MSRB3: variants seen among roughly 807,000 people sequenced by gnomAD.
MSRB3 encodes the protein methionine-R-sulfoxide reductase B3.
MSRB3 carries 13 observed loss-of-function variants against 21.0 expected under a neutral mutation model. The ratio of observed to expected loss-of-function variants is 0.62; its 90% CI spans 0.40 to 0.98. The LOEUF (loss-of-function observed/expected upper bound fraction) is 0.98, where lower values mean the gene tolerates loss of function less well. Among genes scored for constraint, MSRB3 ranks in the 50% least tolerant of loss-of-function variants. The pLI, the probability that MSRB3 is intolerant of heterozygous loss-of-function variation, is 0.00. For missense variants in MSRB3, 199 were observed against 230.3 expected (o/e 0.86, Z 0.88); for synonymous variants, 87 against 88.6 (o/e 0.98, Z 0.10).
chr12:65,376,340 C>CT (rs1878621629), intron 5 of MSRB3, among the ~76,000 whole-genome samples: 1 of 152,060 alleles, frequency 6.6e-6, no homozygotes, highest in Non-Finnish European at 1.5e-5. Flanking sequence ...AGGATGGCCT[C>CT]TATCTCCTGA....
chr12:65,308,929 C>T, intron 2 of MSRB3: 1 of 498,318 alleles, frequency 2.0e-6, no homozygotes, highest in South Asian at 2.3e-5. Context: ...GCACACTACA[C>T]ATCTGCAAAT....
chr12:65,323,346 TA>T (rs1222142095), intron 2 of MSRB3, among the ~76,000 whole-genome samples: 2 of 152,188 alleles, frequency 1.3e-5, no homozygotes, highest in Non-Finnish European at 2.9e-5. Context: ...CATATTTCAA[TA>T]AATAAAATAT....
At chr12:65,420,692 T>C in intron 5 of MSRB3, among the ~76,000 whole-genome samples, 1 of 152,096 alleles carries the variant, frequency 6.6e-6, no homozygotes, top group East Asian at 1.9e-4. Context: ...TGTGTTCTCA[T>C]CATTTAGCTC....
chr12:65,413,209 T>G (rs1243877050), intron 5 of MSRB3, among the ~76,000 whole-genome samples: 2 of 152,200 alleles, frequency 1.3e-5, no homozygotes, highest in African/African-American at 4.8e-5. Context: ...TGAACCCATC[T>G]CCTGACTGAG....
chr12:65,394,773 C>T (rs1280815225), intron 5 of MSRB3, among the ~76,000 whole-genome samples: 1 of 152,138 alleles, frequency 6.6e-6, no homozygotes, highest in Admixed American at 6.5e-5. Flanking sequence ...GTTGGTTTGA[C>T]ATTGAACAGT....
chr12:65,291,699 T>C (rs1872674252), intron 1 of MSRB3, among the ~76,000 whole-genome samples: 2 of 152,144 alleles, frequency 1.3e-5, no homozygotes, highest in Admixed American at 6.5e-5. Flanking sequence ...CGTTCTCAGT[T>C]TGGAACCAGC....
intron 5 of MSRB3, among the ~76,000 whole-genome samples, chr12:65,415,846 A>G (rs949571067): frequency 6.6e-6 from 1 of 152,124 alleles, no homozygotes; most frequent in Non-Finnish European, 1.5e-5. Context: ...TAAAAGACTG[A>G]TGGATTTAAC....
At chr12:65,373,214 G>C (rs1878419209) in intron 5 of MSRB3, among the ~76,000 whole-genome samples, 1 of 152,106 alleles carries the variant, frequency 6.6e-6, no homozygotes, top group South Asian at 2.1e-4. Context: ...ACTGAAAAAA[G>C]ATGTTTTTCT....
At chr12:65,327,901 T>A (rs1340433386) in intron 3 of MSRB3, among the ~76,000 whole-genome samples, 1 of 152,230 alleles carries the variant, frequency 6.6e-6, no homozygotes, top group Non-Finnish European at 1.5e-5. Flanking sequence ...AATGATTTAA[T>A]GCACACAAAC....
intron 5 of MSRB3, among the ~76,000 whole-genome samples, chr12:65,399,364 A>T (rs528005439): frequency 2.6e-5 from 4 of 151,880 alleles, no homozygotes; most frequent in African/African-American, 7.3e-5. Flanking sequence ...TTCTCTTTGT[A>T]CCTATTGTGA....
At position 65,463,473 on chromosome 12, in the gene MSRB3, C is replaced by T; in HGVS notation, c.*151C>T. On this transcript the variant is annotated 3_prime_UTR_variant, in exon 7 of 7. Transcript: ENST00000308259. ...TTCTTCTTTTGCTTAAACAGAAGCC[C>T]TGGCCATCCATGTATTTTGCAATTG... 2.2e-6 allele frequency: 2 copies of T among 918,128 alleles called. No homozygotes were observed. The highest frequency in any genetic ancestry group is 2.6e-5 in the Admixed American group (1 of 38,156). The allele number at this position is 918,128 out of a possible 1,614,324, so 56.9% of individuals were successfully genotyped here.
At chr12:65,423,274 A>G (rs762404010) in intron 5 of MSRB3, among the ~76,000 whole-genome samples, 1 of 152,072 alleles carries the variant, frequency 6.6e-6, no homozygotes, top group African/African-American at 2.4e-5. Flanking sequence ...TCTTCTATAT[A>G]TAGGATTATT....
intron 6 of MSRB3, among the ~76,000 whole-genome samples, chr12:65,455,564 G>C (rs189006158): frequency 4.3e-4 from 66 of 152,276 alleles, no homozygotes; most frequent in Non-Finnish European, 4.3e-4. Flanking sequence ...GGCACAAAGA[G>C]AGCAATTAAA....
intron 2 of MSRB3, chr12:65,316,225 A>G (rs1874286354): frequency 6.6e-6 from 1 of 152,090 alleles, no homozygotes; most frequent in African/African-American, 2.4e-5. Flanking sequence ...TTCTTGTCAA[A>G]TCTTTTATAA....
chr12:65,338,252 A>G (rs1252939597), intron 4 of MSRB3, among the ~76,000 whole-genome samples: 1 of 152,172 alleles, frequency 6.6e-6, no homozygotes, highest in African/African-American at 2.4e-5. Flanking sequence ...TATTTCAAGT[A>G]CAGATATGAC....
intron 4 of MSRB3, among the ~76,000 whole-genome samples, chr12:65,344,611 A>G (rs1434811211): frequency 6.6e-6 from 1 of 151,814 alleles, no homozygotes; most frequent in Non-Finnish European, 1.5e-5. Flanking sequence ...TGCTTAGGTC[A>G]GTGCTTCCCA....
intron 5 of MSRB3, among the ~76,000 whole-genome samples, chr12:65,389,362 C>G (rs574448355): frequency 6.6e-6 from 1 of 152,196 alleles, no homozygotes; most frequent in Admixed American, 6.5e-5. Flanking sequence ...CTCCCAAGGT[C>G]CCTCTTGCAG....
rs548201640 is a variant in MSRB3 at position 65,441,523 on chromosome 12, C to A, written c.293-12205C>A. ...TTTAAATTCCAGATTTCCAGAGTAACAGGAACGTATATAGAAAATTCATTC... is the reference window on the plus strand; with the variant it reads ...TTTAAATTCCAGATTTCCAGAGTAAAAGGAACGTATATAGAAAATTCATTC... On this transcript the variant is annotated intron_variant, in intron 5 of 6. Transcript: ENST00000308259. 1.4e-4 allele frequency among the ~76,000 whole-genome samples: 21 copies of A among 152,046 alleles called. 1 individual carries two copies. In the South Asian group the frequency reaches 4.4e-3, roughly 32 times the overall value.
rs139787224 is a variant in MSRB3, at chr12:65,419,951, G to A, written c.293-33777G>A. On this transcript the variant is annotated intron_variant, in intron 5 of 6. Coordinates refer to ENST00000308259, the MANE Select transcript of MSRB3 (RefSeq NM_001031679.3). ...TGCTGCTGACCAGCCAGGTGCCATA[G>A]CTGGGCACCTGGATGGAGCCCAGGG... The A allele has an allele frequency of 3.3e-3, 1,879 of 571,926 alleles. 9 individuals carry two copies. The highest frequency in any genetic ancestry group is 9.3e-3 in the Middle Eastern group (16 of 1,722). 35.4% of individuals were successfully genotyped at this position (571,926 alleles called of 1,614,324 possible).
Sources: allele counts gnomAD v4.1 joint callset (sites outside exome capture counted in the v4.1 genomes callset), GRCh38; gene constraint gnomAD v4.1.1; transcripts MANE v1.5; gene names NCBI Gene and HGNC (gene_info 2026-07-23, HGNC 2026-07-21).